The following ZNF410 variants were observed in gnomAD, a reference collection of about 807,000 sequenced individuals.
ZNF410 encodes the protein zinc finger protein 410, also known as another partner for ARF 1.
Under a neutral mutation model 54.8 loss-of-function variants are expected in ZNF410, and 18 were observed. The observed-to-expected ratio is 0.33, with a 90% CI of 0.23 to 0.49. The LOEUF is 0.49. ZNF410 is among the 20% of genes least tolerant of loss of function. The pLI is 0.99. For synonymous variants in ZNF410, 191 were observed against 207.3 expected, an observed-to-expected ratio of 0.92 and a Z score of 0.68; for missense variants, 405 against 569.6, an observed-to-expected ratio of 0.71 and a Z score of 2.94.
chr14:73,889,449 A>AT (rs1343296905), intron 1 of ZNF410, among the ~76,000 whole-genome samples: 1 of 148,502 alleles, frequency 6.7e-6, no homozygotes, highest in Non-Finnish European at 1.5e-5. Flanking sequence ...AAAAAAAAAA[A>AT]AAAAGAAATA....
In ZNF410 at chr14:73,905,407, C is replaced by T. The variant is rs115759544; in HGVS notation, c.913+324C>T. The T allele has an allele frequency of 3.6e-3, 745 of 204,346 alleles. 6 individuals are homozygous for T. The highest frequency in any genetic ancestry group is 0.016 in the African/African-American group (679 of 43,488). 12.7% of individuals were successfully genotyped at this position (204,346 alleles called of 1,614,324 possible). On this transcript the variant is annotated intron_variant, in intron 7 of 11. Transcript: ENST00000555044. ...TGTGTTCAAATCTTTCTGAACACTG[C>T]GCAGTTATGATTTTGGGCAGTAACA...
At chr14:73,896,719 C>T (rs2055323274) in intron 4 of ZNF410, among the ~76,000 whole-genome samples, 185 bp downstream of exon 4, 1 of 151,906 alleles carries the variant, frequency 6.6e-6, no homozygotes, top group African/African-American at 2.4e-5. Flanking sequence ...TGACTCATAT[C>T]TTGTTTGGGA....
chr14:73,920,854 G>A (rs2055745220), intron 8 of ZNF410, 126 bp from the exon 9 acceptor site: 4 of 1,268,650 alleles, frequency 3.2e-6, no homozygotes, highest in East Asian at 2.4e-5. Context: ...CTGGGAAGGT[G>A]CGGAATGGGA....
chr14:73,931,082 T>A (rs560957967), intron 11 of ZNF410, among the ~76,000 whole-genome samples: 1 of 152,286 alleles, frequency 6.6e-6, no homozygotes, highest in African/African-American at 2.4e-5. Flanking sequence ...TCAGCTCTCA[T>A]ATAGTACTTA....
In ZNF410 at chr14:73,931,545, T is replaced by C. The variant is rs1471892443; in HGVS notation, c.*4T>C. On this transcript the variant is annotated 3_prime_UTR_variant, in exon 12 of 12. Transcript: ENST00000555044. ...TTTAACTGAAAGACGGACATGAGCG[T>C]GGGTGCTGACTCCTGGAAGAGCAAC... is the stretch of plus-strand genomic sequence containing the variant. The C allele has an allele frequency of 6.2e-7, 1 of 1,609,988 alleles. No individual in the cohort carries two copies. Among genetic ancestry groups the C allele is most frequent in the East Asian group, 2.2e-5 (1 of 44,772 alleles).
intron 1 of ZNF410, 184 bp from the exon 2 acceptor site, chr14:73,891,843 G>C (rs892399687): frequency 1.7e-5 from 10 of 584,402 alleles, no homozygotes; most frequent in Non-Finnish European, 2.7e-5. Context: ...GCATCAAAGC[G>C]TAGTATTTTT....
At chr14:73,894,815 A>T (rs2055288707) in intron 3 of ZNF410, among the ~76,000 whole-genome samples, 1 of 152,176 alleles carries the variant, frequency 6.6e-6, no homozygotes, top group African/African-American at 2.4e-5. Context: ...GTTTGTGTTA[A>T]GATCTGAGAT....
intron 11 of ZNF410, among the ~76,000 whole-genome samples, chr14:73,929,810 C>CT (rs1303680116): frequency 5.4e-5 from 8 of 149,014 alleles, no homozygotes; most frequent in Non-Finnish European, 1.0e-4. Context: ...GAGCCAAACT[C>CT]TTTAAAAAAA....
chr14:73,921,977 A>G, intron 9 of ZNF410, 89 bp from the exon 10 acceptor site: 1 of 1,515,432 alleles, frequency 6.6e-7, no homozygotes, highest in African/African-American at 1.4e-5. Context: ...TCTAGTAATG[A>G]AAGAGAAGGC....
intron 7 of ZNF410, among the ~76,000 whole-genome samples, chr14:73,908,848 T>TTTG (rs1256663516): frequency 1.6e-3 from 187 of 117,262 alleles, no homozygotes; most frequent in Non-Finnish European, 3.0e-3. Context: ...TTGTTTGTTT[T>TTTG]TTTGTTTGAG....
intron 11 of ZNF410, 147 bp downstream of exon 11, chr14:73,923,669 G>A: frequency 2.7e-6 from 3 of 1,097,536 alleles, no homozygotes; most frequent in Non-Finnish European, 3.9e-6. Context: ...AGTTCAGCTT[G>A]AAAGGAGCCT....
chr14:73,891,469 T>C (rs1370029578), intron 1 of ZNF410, among the ~76,000 whole-genome samples: 1 of 152,194 alleles, frequency 6.6e-6, no homozygotes, highest in African/African-American at 2.4e-5. Context: ...TTCTCCTGCC[T>C]CAGTCTCCCG....
At chr14:73,891,235 T>G (rs979309940) in intron 1 of ZNF410, among the ~76,000 whole-genome samples, 1 of 152,208 alleles carries the variant, frequency 6.6e-6, no homozygotes. Context: ...GAATCTCCTT[T>G]TACTTTTTCT....
Position 73,893,947 on chromosome 14 carries a change from C to T in ZNF410, c.169+15C>T, listed in dbSNP as rs771119010. ...AATGTTACCAGGTAAAAATTAAGAT[C>T]ACTAGAAATAGGATAAAGAAGTCTT... is the stretch of plus-strand genomic sequence containing the variant. On this transcript the variant is annotated intron_variant, in intron 3 of 11. Transcript: ENST00000555044. 3 of 1,603,982 alleles carry T rather than the reference C, an allele frequency of 1.9e-6. No individual in the cohort carries two copies. Among genetic ancestry groups the T allele is most frequent in the Non-Finnish European group, 2.5e-6 (3 of 1,176,554 alleles).
chr14:73,905,970 T>C (rs28573124), intron 7 of ZNF410, among the ~76,000 whole-genome samples: 1,349 of 22,422 alleles, frequency 0.06, 34 homozygotes, highest in African/African-American at 0.13. Flanking sequence ...CACACACACA[T>C]ATATATATAT....
intron 4 of ZNF410, 65 bp downstream of exon 4, chr14:73,896,599 T>A: frequency 7.9e-7 from 1 of 1,258,508 alleles, no homozygotes; most frequent in Non-Finnish European, 1.1e-6. Flanking sequence ...GGGGCATATT[T>A]AACTTAGTCA....
intron 1 of ZNF410, among the ~76,000 whole-genome samples, chr14:73,891,449 G>A (rs1447714600): frequency 6.6e-6 from 1 of 152,134 alleles, no homozygotes; most frequent in East Asian, 1.9e-4. Context: ...CACCTCCTGG[G>A]TTCAAGGGAT....
rs11461357 is a variant in ZNF410, at chr14:73,927,832, A to ATTTTT, written c.1399-3659_1399-3655dup. The ATTTTT allele has an allele frequency of 7.4e-4, 106 of 143,492 alleles. 2 individuals carry two copies. In the South Asian group the frequency reaches 0.023, roughly 31 times the overall value. The allele number at this position is 143,492 out of a possible 1,614,324, so 8.9% of individuals were successfully genotyped here. ...GAAGTGACCAATTAATCAACCGGCA[A>ATTTTT]TTTTTTTTTTTTTTTTAATTTTTTA... On this transcript the variant is annotated intron_variant, in intron 11 of 11. Coordinates refer to ENST00000555044, the MANE Select transcript of ZNF410 (RefSeq NM_021188.3).
At chr14:73,921,960 G>T in intron 9 of ZNF410, 106 bp from the exon 10 acceptor site, 1 of 1,400,736 alleles carries the variant, frequency 7.1e-7, no homozygotes, top group Non-Finnish European at 9.8e-7. Flanking sequence ...CCATCTATAG[G>T]TTAACTTCTA....
Sources: gnomAD v4.1 joint callset for allele counts (sites outside exome capture counted in the v4.1 genomes callset) on GRCh38, gnomAD v4.1.1 for gene constraint, MANE v1.5 for transcripts, NCBI Gene and HGNC (gene_info 2026-07-23, HGNC 2026-07-21) for gene names.